MGAT5: variants seen among roughly 807,000 people sequenced by gnomAD.
MGAT5 encodes the protein alpha-1,6-mannosylglycoprotein 6-beta-N-acetylglucosaminyltransferase A.
In MGAT5, 30 loss-of-function variants were observed where a neutral mutation model predicts 94.3. The ratio of observed to expected loss-of-function variants is 0.32; its 90% CI spans 0.24 to 0.43. MGAT5 has a LOEUF of 0.43. Among genes scored for constraint, MGAT5 ranks in the 20% least tolerant of loss-of-function variants. The pLI is 1.00. For missense variants in MGAT5, 691 were observed against 905.5 expected (o/e 0.76, Z 3.04); for synonymous variants, 310 against 322.9 (o/e 0.96, Z 0.43).
chr2:134,288,687 A>G (rs1685160339), intron 2 of MGAT5, among the ~76,000 whole-genome samples: 1 of 152,200 alleles, frequency 6.6e-6, no homozygotes, highest in Non-Finnish European at 1.5e-5. Flanking sequence ...TGACAGTGGC[A>G]GTCATCTTCC....
intron 2 of MGAT5, among the ~76,000 whole-genome samples, chr2:134,315,043 G>C (rs990054482): frequency 6.6e-6 from 1 of 152,168 alleles, no homozygotes; most frequent in Non-Finnish European, 1.5e-5. Context: ...AAAAAAGTTT[G>C]CTGACCCTTA....
intron 1 of MGAT5, among the ~76,000 whole-genome samples, chr2:134,224,647 T>A (rs1487552723): frequency 1.3e-5 from 2 of 152,164 alleles, no homozygotes; most frequent in Non-Finnish European, 1.5e-5. Flanking sequence ...AGTCTAGGTC[T>A]CCAAAACTAT....
chr2:134,171,794 A>G (rs937773172), intron 1 of MGAT5, among the ~76,000 whole-genome samples: 1 of 152,170 alleles, frequency 6.6e-6, no homozygotes, highest in Non-Finnish European at 1.5e-5. Context: ...AAGCCATGTA[A>G]GTACTATAGT....
At chr2:134,297,339 C>A (rs1374604177) in intron 2 of MGAT5, among the ~76,000 whole-genome samples, 3 of 152,010 alleles carry the variant, frequency 2.0e-5, no homozygotes, top group Non-Finnish European at 4.4e-5. Flanking sequence ...GAGGAAATGA[C>A]ACTGATTCTT....
chr2:134,152,829 G>A (rs1415374000), intron 1 of MGAT5, among the ~76,000 whole-genome samples: 5 of 151,730 alleles, frequency 3.3e-5, no homozygotes, highest in Admixed American at 2.0e-4. Flanking sequence ...CCTCAGTTGC[G>A]TAAGGAAGTC....
At chr2:134,267,099 GTTGT>G (rs534503476) in intron 1 of MGAT5, among the ~76,000 whole-genome samples, 3 of 152,098 alleles carry the variant, frequency 2.0e-5, no homozygotes, top group Admixed American at 6.5e-5. Context: ...ATTGGTATAT[GTTGT>G]TACACAAACA....
chr2:134,401,083 C>G (rs916774076), intron 10 of MGAT5, among the ~76,000 whole-genome samples: 5 of 148,638 alleles, frequency 3.4e-5, no homozygotes, highest in African/African-American at 1.3e-4. Context: ...TATTCTTCTT[C>G]TACTCCTCTT....
intron 1 of MGAT5, among the ~76,000 whole-genome samples, chr2:134,215,770 A>G (rs1400182055): frequency 2.0e-5 from 3 of 152,242 alleles, no homozygotes; most frequent in Non-Finnish European, 4.4e-5. Context: ...CATGTTTAGC[A>G]ATATGAGATA....
At chr2:134,320,074 G>A in intron 4 of MGAT5, 1 of 176,730 alleles carries the variant, frequency 5.7e-6, no homozygotes, top group Admixed American at 5.7e-5. Context: ...TAGAGAGGTT[G>A]CCATCTCAGT....
At chr2:134,319,925 T>C in intron 4 of MGAT5, 1 of 257,116 alleles carries the variant, frequency 3.9e-6, no homozygotes, top group Admixed American at 4.8e-5. Context: ...AGCACTTCTT[T>C]TTCTCTCATG....
chr2:134,233,104 C>T (rs1363052415), intron 1 of MGAT5, among the ~76,000 whole-genome samples: 2 of 152,144 alleles, frequency 1.3e-5, no homozygotes, highest in Non-Finnish European at 2.9e-5. Context: ...GAGTTGTTTT[C>T]CAGGTATGTG....
chr2:134,306,222 A>G (rs1686319538), intron 2 of MGAT5, among the ~76,000 whole-genome samples: 1 of 152,218 alleles, frequency 6.6e-6, no homozygotes, highest in Non-Finnish European at 1.5e-5. Flanking sequence ...AAGAAATGAT[A>G]GCAAAAATTA....
chr2:134,422,746 T>C (rs1236502814), intron 12 of MGAT5, 57 bp from the exon 13 acceptor site: 12 of 1,325,844 alleles, frequency 9.1e-6, no homozygotes, highest in Non-Finnish European at 1.3e-5. Context: ...GCACTCCATC[T>C]AGCACAGGTT....
chr2:134,218,821 A>T (rs980382081), intron 1 of MGAT5, among the ~76,000 whole-genome samples: 14 of 152,044 alleles, frequency 9.2e-5, no homozygotes, highest in African/African-American at 3.4e-4. Flanking sequence ...CTTAATTGGG[A>T]CTATTCATTC....
rs976421445 is a variant in MGAT5, at chr2:134,350,729, G to T, written c.1246+791G>T. The stretch of plus-strand genomic sequence containing the variant: ...ATTTGATAGTGTTAGTACCAAAAAC[G>T]AATTTATTTTATAAGTCAGTAGTCC... On this transcript the variant is annotated intron_variant, in intron 9 of 15. Coordinates refer to ENST00000281923, the MANE Select transcript of MGAT5 (RefSeq NM_002410.5). 2.5e-4 allele frequency among the ~76,000 whole-genome samples: 38 copies of T among 152,150 alleles called. 1 individual carries two copies. The highest frequency in any genetic ancestry group is 5.3e-4 in the Non-Finnish European group (36 of 68,036).
intron 1 of MGAT5, among the ~76,000 whole-genome samples, chr2:134,127,626 C>T (rs1354617236): frequency 1.3e-5 from 2 of 151,884 alleles, no homozygotes; most frequent in Non-Finnish European, 2.9e-5. Flanking sequence ...GCTGGAGTCA[C>T]GAGATGAGCT....
intron 2 of MGAT5, among the ~76,000 whole-genome samples, chr2:134,294,130 G>A (rs1421585743): frequency 6.6e-6 from 1 of 152,182 alleles, no homozygotes; most frequent in African/African-American, 2.4e-5. Context: ...AAATGGAGGA[G>A]AGAGAAGTTT....
chr2:134,313,879 A>G (rs1306828593), intron 2 of MGAT5, among the ~76,000 whole-genome samples: 1 of 152,204 alleles, frequency 6.6e-6, no homozygotes, highest in East Asian at 1.9e-4. Flanking sequence ...GTGTATAGTA[A>G]GCTCAGTTTC....
intron 1 of MGAT5, among the ~76,000 whole-genome samples, chr2:134,189,864 T>G (rs1448936612): frequency 6.6e-6 from 1 of 151,980 alleles, no homozygotes; most frequent in Non-Finnish European, 1.5e-5. Flanking sequence ...CCTCCCAAAG[T>G]GCTGGGATTA....
Sources: gnomAD v4.1 joint callset for allele counts (sites outside exome capture counted in the v4.1 genomes callset) on GRCh38, gnomAD v4.1.1 for gene constraint, MANE v1.5 for transcripts, NCBI Gene and HGNC (gene_info 2026-07-23, HGNC 2026-07-21) for gene names.